The following RBPMS variants were observed in gnomAD, a reference collection of about 807,000 sequenced individuals.
RBPMS encodes RNA binding protein, mRNA processing factor.
RBPMS carries 7 observed loss-of-function variants against 26.8 expected under a neutral mutation model. That is an observed-to-expected ratio of 0.26 (90% CI 0.15 to 0.49). The LOEUF is 0.49. Ranked by LOEUF, RBPMS falls within the 20% of genes least tolerant of loss-of-function variation. The pLI is 0.98. For missense variants in RBPMS, 186 were observed against 250.0 expected, an observed-to-expected ratio of 0.74 and a Z score of 1.73; for synonymous variants, 96 against 93.3, an observed-to-expected ratio of 1.03 and a Z score of -0.17.
chr8:30,523,068 GGTTT>G lies in RBPMS; in HGVS notation c.397+18633_397+18636del, dbSNP rs552891590. On this transcript the variant is annotated intron_variant, in intron 5 of 8. Coordinates refer to ENST00000397323, the MANE Select transcript of RBPMS (RefSeq NM_001008710.3). ...TAATATGAGCATCTCCACAGCTGAT[GGTTT>G]CTCTTTAAAATAATGATGAATTAGG... Among the ~76,000 whole-genome samples the G allele has an allele frequency of 6.6e-5, 10 of 152,214 alleles. No individual in the cohort carries two copies. The East Asian group carries it at 1.5e-3, about 24-fold the overall frequency.
Position 30,460,372 on chromosome 8 carries a change from C to T in RBPMS, c.67-14407C>T, listed in dbSNP as rs1346517667. On this transcript the variant is annotated intron_variant, in intron 1 of 8. Coordinates refer to ENST00000397323, the MANE Select transcript of RBPMS (RefSeq NM_001008710.3). ...GTGTTCTAAAAACTTGTATTTCAGCCATGTGGTGTTTTAAATAGTGGCTGG... is the reference window on the plus strand; with the variant it reads ...GTGTTCTAAAAACTTGTATTTCAGCTATGTGGTGTTTTAAATAGTGGCTGG... Among the ~76,000 whole-genome samples, 3 of 152,088 alleles carry T rather than the reference C, an allele frequency of 2.0e-5. No individual in the cohort carries two copies. The East Asian group carries it at 5.8e-4, about 29-fold the overall frequency.
intron 1 of RBPMS, among the ~76,000 whole-genome samples, chr8:30,440,204 C>T (rs939635586): frequency 3.3e-5 from 5 of 152,168 alleles, no homozygotes; most frequent in African/African-American, 4.8e-5. Flanking sequence ...GCTAGGATTA[C>T]GGGTGTGAGC....
At chr8:30,556,035 C>CT in intron 6 of RBPMS, 1 of 985,470 alleles carries the variant, frequency 1.0e-6, no homozygotes, top group Non-Finnish European at 1.2e-6. Flanking sequence ...CTGCTGGAAG[C>CT]TGGGCGCAGC....
chr8:30,444,741 A>G (rs1563324199), intron 1 of RBPMS: 1 of 152,238 alleles, frequency 6.6e-6, no homozygotes, highest in African/African-American at 2.4e-5. Flanking sequence ...GAAAAGTTCC[A>G]TGTTCCTCCT....
intron 5 of RBPMS, among the ~76,000 whole-genome samples, chr8:30,508,560 A>T (rs937828030): frequency 6.6e-6 from 1 of 152,186 alleles, no homozygotes; most frequent in Non-Finnish European, 1.5e-5. Flanking sequence ...CTCATAATTA[A>T]AAGACCTGTA....
chr8:30,553,955 T>A (rs1257619376), intron 6 of RBPMS, among the ~76,000 whole-genome samples: 1 of 152,108 alleles, frequency 6.6e-6, no homozygotes, highest in Non-Finnish European at 1.5e-5. Context: ...TTTTTGTATT[T>A]TTAGTAGAGA....
At chr8:30,511,479 AAAAAAAAATATATAT>A (rs1302180271) in intron 5 of RBPMS, among the ~76,000 whole-genome samples, 16 of 87,086 alleles carry the variant, frequency 1.8e-4, no homozygotes, top group Admixed American at 5.4e-4. Flanking sequence ...AAGAAAAAAA[AAAAAAAAATATATAT>A]ATATATATAT....
At chr8:30,471,169 A>G (rs1276409994) in intron 1 of RBPMS, among the ~76,000 whole-genome samples, 4 of 152,194 alleles carry the variant, frequency 2.6e-5, no homozygotes, top group Admixed American at 6.5e-5. Context: ...TTGAGTACAC[A>G]TACTATAAGA....
At chr8:30,562,378 G>C (rs1263062805) in intron 7 of RBPMS, among the ~76,000 whole-genome samples, 1 of 150,276 alleles carries the variant, frequency 6.7e-6, no homozygotes, top group Non-Finnish European at 1.5e-5. Context: ...TGAATCATTT[G>C]TTCTGAGCTA....
intron 5 of RBPMS, among the ~76,000 whole-genome samples, chr8:30,519,156 T>G (rs1401529404): frequency 1.3e-5 from 2 of 152,162 alleles, no homozygotes; most frequent in Non-Finnish European, 1.5e-5. Flanking sequence ...CAGAAGAGAT[T>G]GGTGTTTTCC....
intron 1 of RBPMS, among the ~76,000 whole-genome samples, chr8:30,462,042 C>G (rs1189610031): frequency 6.6e-6 from 1 of 152,158 alleles, no homozygotes. Flanking sequence ...ATTCTCATTG[C>G]TGATTAGTAT....
chr8:30,426,008 C>A (rs1811315551), intron 1 of RBPMS, among the ~76,000 whole-genome samples: 1 of 152,136 alleles, frequency 6.6e-6, no homozygotes, highest in South Asian at 2.1e-4. Flanking sequence ...CCCACCGTGC[C>A]CAAAGAGTGC....
chr8:30,567,194 T>G lies in RBPMS; in HGVS notation c.*111+834T>G, dbSNP rs139441384. Among the ~76,000 whole-genome samples the G allele has an allele frequency of 3.0e-4, 45 of 152,300 alleles. No homozygotes were observed. The East Asian group carries it at 8.5e-3, about 29-fold the overall frequency. On this transcript the variant is annotated intron_variant, in intron 8 of 8. Coordinates refer to ENST00000397323, the MANE Select transcript of RBPMS (RefSeq NM_001008710.3). ...AAGAGGAGTCTGAAAGGAACAAGATTCCTGCTACAGAGAACCAAGCGCTTC... is the reference window on the plus strand; with the variant it reads ...AAGAGGAGTCTGAAAGGAACAAGATGCCTGCTACAGAGAACCAAGCGCTTC...
intron 5 of RBPMS, among the ~76,000 whole-genome samples, chr8:30,519,653 T>C (rs1450863096): frequency 2.0e-5 from 3 of 151,750 alleles, no homozygotes; most frequent in African/African-American, 7.3e-5. Context: ...CCGGCTAATA[T>C]TTTTATTTTT....
chr8:30,516,588 C>T (rs1368583958), intron 5 of RBPMS, among the ~76,000 whole-genome samples: 1 of 152,128 alleles, frequency 6.6e-6, no homozygotes, highest in East Asian at 1.9e-4. Context: ...TTCTCTCCCA[C>T]CACAATACCA....
At chr8:30,416,384 T>C (rs1041019897) in intron 1 of RBPMS, among the ~76,000 whole-genome samples, 191 of 152,176 alleles carry the variant, frequency 1.3e-3, no homozygotes, top group African/African-American at 4.5e-3. Context: ...CAGGCTGGAG[T>C]GCAGTGGTGT....
intron 7 of RBPMS, among the ~76,000 whole-genome samples, chr8:30,562,355 T>C (rs1028569011): frequency 1.6e-4 from 24 of 147,254 alleles, no homozygotes; most frequent in African/African-American, 6.0e-4. Context: ...GAGTATGTAA[T>C]GTCTCCCGTG....
intron 1 of RBPMS, among the ~76,000 whole-genome samples, chr8:30,442,053 G>A (rs1373974095): frequency 6.6e-6 from 1 of 152,060 alleles, no homozygotes; most frequent in African/African-American, 2.4e-5. Flanking sequence ...CTCCCCAAGT[G>A]CTGGGATTAC....
intron 1 of RBPMS, among the ~76,000 whole-genome samples, chr8:30,420,844 C>T (rs1810691263): frequency 6.6e-6 from 1 of 152,066 alleles, no homozygotes; most frequent in African/African-American, 2.4e-5. Flanking sequence ...CAGAGTAGTT[C>T]AGAGTTGAAG....
Sources: gnomAD v4.1 joint callset for allele counts (sites outside exome capture counted in the v4.1 genomes callset) on GRCh38, gnomAD v4.1.1 for gene constraint, MANE v1.5 for transcripts, NCBI Gene and HGNC (gene_info 2026-07-23, HGNC 2026-07-21) for gene names.